KMT2C: variants seen among roughly 807,000 people sequenced by gnomAD.
KMT2C encodes the protein histone-lysine N-methyltransferase 2C.
In KMT2C, 88 loss-of-function variants were observed where a neutral mutation model predicts 507.9. The ratio of observed to expected loss-of-function variants is 0.17; its 90% CI spans 0.15 to 0.21. KMT2C has a LOEUF of 0.21. Ranked by LOEUF, KMT2C falls within the 10% of genes least tolerant of loss-of-function variation. The probability of loss-of-function intolerance (pLI) is 1.00; values close to 1 mark genes in which losing one functional copy is unlikely to be tolerated. For synonymous variants in KMT2C, 2,049 were observed against 2,080.8 expected, an observed-to-expected ratio of 0.98 and a Z score of 0.42; for missense variants, 4,954 against 5,957.8, an observed-to-expected ratio of 0.83 and a Z score of 5.55.
At chr7:152,241,143 C>A (rs1208372927) in intron 14 of KMT2C, among the ~76,000 whole-genome samples, 15 of 152,208 alleles carry the variant, frequency 9.9e-5, no homozygotes, top group Non-Finnish European at 1.8e-4. Flanking sequence ...CAGAGCCCGA[C>A]TGACTCAGAA....
chr7:152,291,581 G>A (rs989729190), intron 6 of KMT2C, among the ~76,000 whole-genome samples: 4 of 152,310 alleles, frequency 2.6e-5, no homozygotes, highest in African/African-American at 9.6e-5. Context: ...GTTAGTGTTT[G>A]CTCAACTTTT....
chr7:152,272,058 CTTACT>C (rs1211878980), intron 7 of KMT2C, among the ~76,000 whole-genome samples: 1 of 152,048 alleles, frequency 6.6e-6, no homozygotes, highest in Non-Finnish European at 1.5e-5. Context: ...GCCAAATTTC[CTTACT>C]TTAGTTTTAT....
At chr7:152,388,428 G>T (rs1589659847) in intron 1 of KMT2C, among the ~76,000 whole-genome samples, 1 of 152,118 alleles carries the variant, frequency 6.6e-6, no homozygotes, top group Admixed American at 6.5e-5. Flanking sequence ...GCATGGTGGT[G>T]TGTGCCAGTA....
In KMT2C at chr7:152,249,858, T is replaced by C; in HGVS notation, c.1813+18A>G. On this transcript the variant is annotated intron_variant, in intron 13 of 58. Coordinates refer to ENST00000262189, the MANE Select transcript of KMT2C (RefSeq NM_170606.3). ...CTTGTAACTCAATCAAATTAGACAATATGAACATACTGCTTACCAGCAATA... is the reference window on the plus strand; with the variant it reads ...CTTGTAACTCAATCAAATTAGACAACATGAACATACTGCTTACCAGCAATA... The C allele has an allele frequency of 6.8e-7, 1 of 1,462,914 alleles. No individual in the cohort carries two copies. The highest frequency in any genetic ancestry group is 9.6e-7 in the Non-Finnish European group (1 of 1,043,144). 90.6% of individuals were successfully genotyped at this position (1,462,914 alleles called of 1,614,324 possible).
chr7:152,258,510 G>A (rs2095700575), intron 9 of KMT2C, among the ~76,000 whole-genome samples: 1 of 152,044 alleles, frequency 6.6e-6, no homozygotes, highest in South Asian at 2.1e-4. Context: ...TGTTGTTGTT[G>A]TTGTTGTTGC....
intron 53 of KMT2C, 45 bp downstream of exon 53, chr7:152,146,554 A>C: frequency 6.2e-7 from 1 of 1,603,744 alleles, no homozygotes; most frequent in Non-Finnish European, 8.5e-7. Context: ...GTCACACTGA[A>C]TCAGGAAAGC....
intron 37 of KMT2C, among the ~76,000 whole-genome samples, chr7:152,178,444 T>TA (rs1563268019): frequency 1.3e-5 from 2 of 152,168 alleles, no homozygotes. Context: ...TTGAGGGACT[T>TA]ACAGGCCTCA....
chr7:152,342,848 A>G (rs2097010672), intron 2 of KMT2C, among the ~76,000 whole-genome samples: 1 of 152,226 alleles, frequency 6.6e-6, no homozygotes, highest in African/African-American at 2.4e-5. Flanking sequence ...AGGAGAAACT[A>G]TTTAACTAGA....
chr7:152,202,899 C>A, intron 26 of KMT2C, 35 bp downstream of exon 26: 2 of 1,484,824 alleles, frequency 1.3e-6, no homozygotes, highest in South Asian at 1.2e-5. Context: ...CCTCAATTAA[C>A]AAACCATGTA....
intron 1 of KMT2C, among the ~76,000 whole-genome samples, chr7:152,422,284 TA>T (rs11423616): frequency 0.02 from 1,961 of 97,388 alleles, 23 homozygotes; most frequent in African/African-American, 0.043. Context: ...CAGTCTCTAC[TA>T]AAAAAAAAAA....
rs546695873 is a variant in KMT2C at position 152,432,999 on chromosome 7, T to A, written c.161+2627A>T. ...CTGTGTCTACTAAAAATACAAAAAATTAGCTAGGTGCGATGGCGCACACCT... is the reference window on the plus strand; with the variant it reads ...CTGTGTCTACTAAAAATACAAAAAAATAGCTAGGTGCGATGGCGCACACCT... On this transcript the variant is annotated intron_variant, in intron 1 of 58. Transcript: ENST00000262189. 9.2e-5 allele frequency among the ~76,000 whole-genome samples: 14 copies of A among 152,140 alleles called. No individual in the cohort carries two copies. In the East Asian group the frequency reaches 2.3e-3, roughly 25 times the overall value.
chr7:152,357,659 G>C (rs990363359), intron 2 of KMT2C, among the ~76,000 whole-genome samples: 2 of 151,998 alleles, frequency 1.3e-5, no homozygotes, highest in African/African-American at 4.8e-5. Flanking sequence ...AAGTAATACA[G>C]TAATTCATGA....
In KMT2C at chr7:152,358,747, A is replaced by T; in HGVS notation, c.162-72T>A. On this transcript the variant is annotated intron_variant, in intron 1 of 58. Coordinates refer to ENST00000262189, the MANE Select transcript of KMT2C (RefSeq NM_170606.3). ...ATTTTAAGGCTTAGACTTATATTCA[A>T]CATAAGGCACAATTTGAAGGTATAC... 2.2e-6 allele frequency: 2 copies of T among 925,842 alleles called. 1 individual carries two copies. Among genetic ancestry groups the T allele is most frequent in the Non-Finnish European group, 3.4e-6 (2 of 590,670 alleles). The allele number at this position is 925,842 out of a possible 1,614,324, so 57.4% of individuals were successfully genotyped here.
At chr7:152,221,181 C>G (rs188245400) in intron 22 of KMT2C, among the ~76,000 whole-genome samples, 1 of 152,100 alleles carries the variant, frequency 6.6e-6, no homozygotes. Context: ...CGCTTGAACC[C>G]GGGAGGCAGA....
chr7:152,417,934 G>GC (rs2097755602), intron 1 of KMT2C, among the ~76,000 whole-genome samples: 1 of 122,746 alleles, frequency 8.1e-6, no homozygotes, highest in Non-Finnish European at 1.6e-5. Context: ...GAGCCACCGC[G>GC]CCCACCCTCT....
intron 1 of KMT2C, among the ~76,000 whole-genome samples, chr7:152,400,303 C>A (rs562270821): frequency 1.3e-5 from 2 of 151,382 alleles, no homozygotes; most frequent in African/African-American, 4.9e-5. Context: ...AGCAAGACTC[C>A]GTCTCAAAAA....
chr7:152,312,309 TAC>T (rs2129200918), intron 4 of KMT2C: 1 of 157,504 alleles, frequency 6.3e-6, no homozygotes, highest in African/African-American at 2.4e-5. Context: ...CTTAAACGCT[TAC>T]AAAACAAAAC....
intron 2 of KMT2C, among the ~76,000 whole-genome samples, chr7:152,348,618 A>AG (rs2097083453): frequency 6.9e-6 from 1 of 145,940 alleles, no homozygotes; most frequent in Non-Finnish European, 1.5e-5. Flanking sequence ...AAAAAAAAAA[A>AG]AAAAAAGAAA....
intron 6 of KMT2C, among the ~76,000 whole-genome samples, chr7:152,283,970 A>G (rs935702476): frequency 2.0e-5 from 3 of 152,098 alleles, no homozygotes; most frequent in African/African-American, 7.2e-5. Context: ...GAAAAAAGCA[A>G]TAACATTAAA....
Sources: allele counts gnomAD v4.1 joint callset (sites outside exome capture counted in the v4.1 genomes callset), GRCh38; gene constraint gnomAD v4.1.1; transcripts MANE v1.5; gene names NCBI Gene and HGNC (gene_info 2026-07-23, HGNC 2026-07-21).